The following CAMK2G variants were observed in gnomAD, a reference collection of about 807,000 sequenced individuals.
CAMK2G encodes the protein calcium/calmodulin dependent protein kinase II gamma, also known as calcium/calmodulin-dependent protein kinase type II subunit gamma.
Under a neutral mutation model 88.7 loss-of-function variants are expected in CAMK2G, and 23 were observed. The ratio of observed to expected loss-of-function variants is 0.26; its 90% CI spans 0.19 to 0.37. CAMK2G has a LOEUF of 0.37. CAMK2G is among the 10% of genes least tolerant of loss of function. The probability of loss-of-function intolerance (pLI) is 1.00; values close to 1 mark genes in which losing one functional copy is unlikely to be tolerated. For missense variants in CAMK2G, 476 were observed against 780.8 expected (o/e 0.61, Z 4.65); for synonymous variants, 263 against 294.8 (o/e 0.89, Z 1.11).
At chr10:73,859,680 C>A (rs1325380486) in intron 3 of CAMK2G, among the ~76,000 whole-genome samples, 1 of 152,240 alleles carries the variant, frequency 6.6e-6, no homozygotes, top group African/African-American at 2.4e-5. Context: ...ACTGGCCACA[C>A]CAATCTGCTT....
intron 2 of CAMK2G, among the ~76,000 whole-genome samples, chr10:73,871,497 G>A (rs1455873824): frequency 6.6e-6 from 1 of 152,174 alleles, no homozygotes; most frequent in South Asian, 2.1e-4. Flanking sequence ...TGCCAGCCCT[G>A]TTTCTGATGC....
intron 17 of CAMK2G, among the ~76,000 whole-genome samples, chr10:73,823,453 C>A (rs377569399): frequency 3.3e-5 from 5 of 151,342 alleles, no homozygotes; most frequent in African/African-American, 9.7e-5. Flanking sequence ...TGAGCTCAGG[C>A]GATCTGCGCA....
At chr10:73,833,127 AT>A (rs765917793) in intron 14 of CAMK2G, among the ~76,000 whole-genome samples, 1,421 of 138,616 alleles carry the variant, frequency 0.01, 3 homozygotes, top group East Asian at 0.035. Flanking sequence ...CACTCAGCTA[AT>A]TTTTTTTTTT....
chr10:73,842,406 C>T lies in CAMK2G; in HGVS notation c.903+52G>A. 1 of 1,384,518 alleles carries T rather than the reference C, an allele frequency of 7.2e-7. No homozygotes were observed. Among genetic ancestry groups the T allele is most frequent in the African/African-American group, 1.4e-5 (1 of 70,498 alleles). The allele number at this position is 1,384,518 out of a possible 1,614,324, so 85.8% of individuals were successfully genotyped here. On this transcript the variant is annotated intron_variant, in intron 11 of 22. Coordinates refer to ENST00000423381, the MANE Select transcript of CAMK2G (RefSeq NM_001367534.1). The surrounding 1 kb of genome is among the most constrained non-coding windows in gnomAD (Gnocchi z 4.6). ...CTTCTGAAATGGGGCAGGAGCCACA[C>T]TGGTGCAAGGCATGATGTCAAGGAG... is the stretch of plus-strand genomic sequence containing the variant.
intron 2 of CAMK2G, among the ~76,000 whole-genome samples, chr10:73,867,300 C>T (rs2095630148): frequency 6.6e-6 from 1 of 152,202 alleles, no homozygotes; most frequent in African/African-American, 2.4e-5. Context: ...AGAGAAAATC[C>T]CCAAGGGGTC....
intron 19 of CAMK2G, chr10:73,818,846 A>G: frequency 6.6e-6 from 3 of 456,150 alleles, no homozygotes; most frequent in Non-Finnish European, 1.3e-5. Context: ...GCAAGGATAG[A>G]TGGTGGGAGG....
rs2093859570 is a variant in CAMK2G at position 73,842,328 on chromosome 10, C to G, written c.904-117G>C. On this transcript the variant is annotated intron_variant, in intron 11 of 22. Transcript: ENST00000423381. The surrounding 1 kb of genome is among the most constrained non-coding windows in gnomAD (Gnocchi z 4.6). ...AGACATCAGGCCTCTGGGCCCCCTCCCCTGTGACATGTACAACCTTCAGAG... is the reference window on the plus strand; with the variant it reads ...AGACATCAGGCCTCTGGGCCCCCTCGCCTGTGACATGTACAACCTTCAGAG... The G allele has an allele frequency of 8.7e-7, 1 of 1,148,380 alleles. No homozygotes were observed. The highest frequency in any genetic ancestry group is 1.2e-5 in the South Asian group (1 of 81,290). 71.1% of individuals were successfully genotyped at this position (1,148,380 alleles called of 1,614,324 possible).
intron 10 of CAMK2G, among the ~76,000 whole-genome samples, chr10:73,845,167 G>A (rs1399004343): frequency 6.6e-6 from 1 of 152,176 alleles, no homozygotes; most frequent in Non-Finnish European, 1.5e-5. Flanking sequence ...CAACTACACA[G>A]AAATGACTAC....
At chr10:73,825,384 G>A in intron 15 of CAMK2G, 37 bp from the exon 16 acceptor site, 1 of 1,546,058 alleles carries the variant, frequency 6.5e-7, no homozygotes, top group Non-Finnish European at 8.9e-7. Context: ...TTCCTCCAGA[G>A]TCCCCAAGGC....
chr10:73,847,498 C>A lies in CAMK2G; in HGVS notation c.697-151G>T, dbSNP rs1219224637. 3.5e-5 allele frequency: 27 copies of A among 766,908 alleles called. No homozygotes were observed. In the Admixed American group the frequency reaches 6.9e-4, roughly 20 times the overall value. 47.5% of individuals were successfully genotyped at this position (766,908 alleles called of 1,614,324 possible). On this transcript the variant is annotated intron_variant, in intron 9 of 22. Transcript: ENST00000423381. ...GAGTTGGAGAAGCCCTGCGGCTATT[C>A]CAGAACCTGTGTCAACTTAAAGACT...
chr10:73,864,787 C>T (rs1009315407), intron 2 of CAMK2G, among the ~76,000 whole-genome samples: 22 of 152,100 alleles, frequency 1.4e-4, no homozygotes, highest in Non-Finnish European at 2.8e-4. Context: ...GGACTGCAGG[C>T]GCCCATCACC....
intron 14 of CAMK2G, among the ~76,000 whole-genome samples, chr10:73,836,377 C>T (rs1404736346): frequency 1.3e-5 from 2 of 152,192 alleles, no homozygotes; most frequent in African/African-American, 4.8e-5. Context: ...GCTGCGTGGA[C>T]ATCTGACTGA....
At chr10:73,836,451 T>C (rs574552770) in intron 14 of CAMK2G, among the ~76,000 whole-genome samples, 1 of 152,212 alleles carries the variant, frequency 6.6e-6, no homozygotes, top group South Asian at 2.1e-4. Flanking sequence ...GCTCCATCCA[T>C]GTAGCTCAGG....
chr10:73,822,133 C>T (rs1359299555), intron 17 of CAMK2G, among the ~76,000 whole-genome samples: 2 of 152,234 alleles, frequency 1.3e-5, no homozygotes, highest in Non-Finnish European at 2.9e-5. Flanking sequence ...ATAACAGCTT[C>T]ATGGTCTCCC....
chr10:73,874,186 G>A (rs2095989025), intron 1 of CAMK2G, among the ~76,000 whole-genome samples: 1 of 148,736 alleles, frequency 6.7e-6, no homozygotes, highest in African/African-American at 2.5e-5. Flanking sequence ...CGCGTGGGGA[G>A]CAGCGGCCCC....
chr10:73,849,848 C>T (rs910864740), intron 5 of CAMK2G, among the ~76,000 whole-genome samples: 7 of 152,130 alleles, frequency 4.6e-5, no homozygotes, highest in Non-Finnish European at 8.8e-5. Flanking sequence ...GGACAAGACC[C>T]AATAGCTGCC....
chr10:73,816,243 A>G lies in CAMK2G; in HGVS notation c.1534+780T>C, dbSNP rs554594132. On this transcript the variant is annotated intron_variant, in intron 21 of 22. Coordinates refer to ENST00000423381, the MANE Select transcript of CAMK2G (RefSeq NM_001367534.1). ...ATGTACACCCCACCCCCTATACAAG[A>G]CGTCTGCCTTCCTCCATAGTCAGGA... 1.6e-5 allele frequency: 16 copies of G among 988,568 alleles called. 1 individual carries two copies. The South Asian group carries it at 6.0e-4, about 37-fold the overall frequency. 61.2% of individuals were successfully genotyped at this position (988,568 alleles called of 1,614,324 possible). A position where few individuals can be genotyped will look rare whatever the true frequency, so the allele number is the denominator to read the frequency against.
chr10:73,858,449 C>T (rs942079310), intron 3 of CAMK2G, among the ~76,000 whole-genome samples: 17 of 152,244 alleles, frequency 1.1e-4, no homozygotes, highest in Admixed American at 3.9e-4. Context: ...CAACCACAGC[C>T]GCCTGGACCT....
intron 9 of CAMK2G, 134 bp downstream of exon 9, chr10:73,847,854 T>C: frequency 3.3e-6 from 2 of 607,408 alleles, no homozygotes; most frequent in Admixed American, 5.4e-5. Context: ...TGGATGCCCA[T>C]TCCTGGGTCC....
Sources: allele counts gnomAD v4.1 joint callset (sites outside exome capture counted in the v4.1 genomes callset), GRCh38; gene constraint gnomAD v4.1.1; non-coding constraint Gnocchi (gnomAD v3.1); transcripts MANE v1.5; gene names NCBI Gene and HGNC (gene_info 2026-07-23, HGNC 2026-07-21).